The following THEMIS variants were observed in gnomAD, a reference collection of about 807,000 sequenced individuals.
The protein encoded by THEMIS is thymocyte selection associated, also known as protein THEMIS.
Under a neutral mutation model 52.6 loss-of-function variants are expected in THEMIS, and 37 were observed. That is an observed-to-expected ratio of 0.70 (90% CI 0.54 to 0.93). THEMIS has a LOEUF of 0.93. Among genes scored for constraint, THEMIS ranks in the 40% least tolerant of loss-of-function variants. The pLI is 0.00. For missense variants in THEMIS, 808 were observed against 763.1 expected (o/e 1.06, Z -0.69); for synonymous variants, 292 against 272.7 (o/e 1.07, Z -0.70).
At chr6:127,754,057 T>TATTTTAC (rs1775737571) in intron 4 of THEMIS, among the ~76,000 whole-genome samples, 1 of 152,190 alleles carries the variant, frequency 6.6e-6, no homozygotes, top group South Asian at 2.1e-4. Flanking sequence ...ATACATTGAA[T>TATTTTAC]ATGTGCAGAT....
At position 127,882,681 on chromosome 6, in the gene THEMIS, A is replaced by T. The variant is rs562275947; in HGVS notation, c.91+18161T>A. Among the ~76,000 whole-genome samples, 31 of 152,012 alleles carry T rather than the reference A, an allele frequency of 2.0e-4. 1 individual carries two copies. In the East Asian group the frequency reaches 4.8e-3, roughly 24 times the overall value. On this transcript the variant is annotated intron_variant, in intron 1 of 5. Coordinates refer to ENST00000368248, the MANE Select transcript of THEMIS (RefSeq NM_001010923.3). ...CCATATTTCATTAGACTTTAATTTC[A>T]TTCCACTTGAGTCTAATGAAAAAAT...
At chr6:127,777,504 A>T (rs1449216095) in intron 4 of THEMIS, among the ~76,000 whole-genome samples, 2 of 152,190 alleles carry the variant, frequency 1.3e-5, no homozygotes, top group Admixed American at 6.5e-5. Context: ...AAGATTTGTC[A>T]TATCACTACA....
At chr6:127,730,489 AAAG>A (rs1774753302) in intron 4 of THEMIS, among the ~76,000 whole-genome samples, 2 of 151,046 alleles carry the variant, frequency 1.3e-5, no homozygotes, top group African/African-American at 4.9e-5. Flanking sequence ...AAGAAGAAAG[AAAG>A]AAAGAAATGA....
intron 4 of THEMIS, among the ~76,000 whole-genome samples, chr6:127,771,819 A>G (rs1054740274): frequency 2.6e-4 from 39 of 152,134 alleles, no homozygotes; most frequent in African/African-American, 9.2e-4. Context: ...TTATTATATG[A>G]ATAGCCCTTA....
chr6:127,786,793 A>C (rs1776964151), intron 4 of THEMIS, among the ~76,000 whole-genome samples: 1 of 152,208 alleles, frequency 6.6e-6, no homozygotes, highest in African/African-American at 2.4e-5. Context: ...ACGAAAAAGA[A>C]ATCTTTTTTT....
downstream of THEMIS, among the ~76,000 whole-genome samples, chr6:127,707,280 C>T (rs1000403222): frequency 6.6e-6 from 1 of 152,046 alleles, no homozygotes; most frequent in Admixed American, 6.6e-5. Context: ...ATGGGAAGGT[C>T]AGCATGACTT....
At position 127,813,339 on chromosome 6, in the gene THEMIS, A is replaced by G. The variant is rs935909157; in HGVS notation, c.1302T>C (p.Phe434=). The G allele has an allele frequency of 2.5e-6, 4 of 1,614,008 alleles. No individual in the cohort carries two copies. The African/African-American group carries it at 5.3e-5, about 22-fold the overall frequency. The part of the protein sequence containing the change: ...ALLPLYMEGG[F]VEVIHDKKQY... ...GTTTCTTATCATGAATCACCTCTAC[A>G]AAACCTCCTTCCATGTACAAAGGGA... is the stretch of plus-strand genomic sequence containing the variant. Residue 434 remains phenylalanine, a synonymous_variant, in exon 4 of 6, where the codon TTT becomes TTC. Coordinates refer to ENST00000368248, the MANE Select transcript of THEMIS (RefSeq NM_001010923.3).
intron 1 of THEMIS, among the ~76,000 whole-genome samples, chr6:127,893,662 G>C (rs1780877853): frequency 6.6e-6 from 1 of 152,090 alleles, no homozygotes; most frequent in Non-Finnish European, 1.5e-5. Context: ...CACTGTGGTT[G>C]TCAACGGCGA....
intron 4 of THEMIS, among the ~76,000 whole-genome samples, chr6:127,734,896 A>AAT (rs1295073194): frequency 0.077 from 4,989 of 65,000 alleles, 257 homozygotes; most frequent in Middle Eastern, 0.14. Flanking sequence ...AAAAAAAAAA[A>AAT]ATATATATAT....
chr6:127,866,692 T>C (rs1270875530), intron 1 of THEMIS, among the ~76,000 whole-genome samples: 1 of 151,936 alleles, frequency 6.6e-6, no homozygotes, highest in Non-Finnish European at 1.5e-5. Context: ...ATCACTCTTA[T>C]TGAACAATTT....
chr6:127,802,443 A>G (rs1278310679), intron 4 of THEMIS, among the ~76,000 whole-genome samples: 1 of 152,242 alleles, frequency 6.6e-6, no homozygotes, highest in Non-Finnish European at 1.5e-5. Flanking sequence ...TGAACATCAA[A>G]GCAAAGGTGG....
chr6:127,841,428 G>A (rs965142187), intron 2 of THEMIS, among the ~76,000 whole-genome samples: 4 of 152,076 alleles, frequency 2.6e-5, no homozygotes, highest in East Asian at 1.9e-4. Flanking sequence ...GAATTGTGCC[G>A]GTAAGAAAGA....
At chr6:127,882,202 TTCTGTTTTTCATTTTC>T (rs1780507383) in intron 1 of THEMIS, among the ~76,000 whole-genome samples, 1 of 151,808 alleles carries the variant, frequency 6.6e-6, no homozygotes, top group Admixed American at 6.6e-5. Flanking sequence ...AATACAGCCA[TTCTGTTTTTCATTTTC>T]AGTACAGTAT....
In THEMIS at chr6:127,829,577, G is replaced by A; in HGVS notation, c.608C>T (p.Thr203Ile). 3 of 1,614,054 alleles carry A rather than the reference G, an allele frequency of 1.9e-6. No homozygotes were observed. Among genetic ancestry groups the A allele is most frequent in the Non-Finnish European group, 2.5e-6 (3 of 1,179,984 alleles). The change falls in exon 3 of 6, where the codon ACA (threonine) becomes ATA (isoleucine). Residue 203 changes from threonine (T) to isoleucine (I), a missense_variant. Thr to Ile is a moderately conservative substitution (Grantham distance 89, BLOSUM62 -1). Coordinates refer to ENST00000368248, the MANE Select transcript of THEMIS (RefSeq NM_001010923.3). ...TGAGTCCCACTTATTTGAAAAATCT[G>A]TAAGGTTTACAGTTCTTGTTCTGTT... ...PKNRTRTVNL[T>I]DFSNKWDSTN...
chr6:127,770,127 GGTATAT>G (rs1477242125), intron 4 of THEMIS, among the ~76,000 whole-genome samples: 2 of 152,084 alleles, frequency 1.3e-5, no homozygotes, highest in Non-Finnish European at 2.9e-5. Flanking sequence ...TAATCCTTTG[GGTATAT>G]ACCCAGTAAT....
chr6:127,852,972 A>G (rs1414722034), intron 2 of THEMIS, among the ~76,000 whole-genome samples: 2 of 151,540 alleles, frequency 1.3e-5, no homozygotes, highest in Non-Finnish European at 3.0e-5. Flanking sequence ...CTAAATAGCA[A>G]CTCCCCAAAT....
At chr6:127,743,698 G>A (rs1453865474) in intron 4 of THEMIS, among the ~76,000 whole-genome samples, 1 of 152,056 alleles carries the variant, frequency 6.6e-6, no homozygotes, top group African/African-American at 2.4e-5. Context: ...TGATGAAAAG[G>A]ATGATGATTA....
chr6:127,813,204 C>G lies in THEMIS; in HGVS notation c.1437G>C (p.Leu479=), dbSNP rs761511766. The G allele has an allele frequency of 3.1e-6, 5 of 1,614,076 alleles. No homozygotes were observed. In the East Asian group the frequency reaches 1.1e-4, roughly 36 times the overall value. Residue 479 remains leucine (L), a synonymous_variant, in exon 4 of 6, where the codon CTG becomes CTC. Transcript: ENST00000368248. ...AGTCTGTAATGTCCTCCTCCAACTG[C>G]AGTCCTGGTGTGGCAGCCAACACGT... ...EEDVLAATPG[L]QLEEDITDSY...
chr6:127,742,118 C>G (rs1037997941), intron 4 of THEMIS, among the ~76,000 whole-genome samples: 3 of 151,920 alleles, frequency 2.0e-5, no homozygotes, highest in African/African-American at 7.3e-5. Context: ...TTGAGGACAG[C>G]CTGGCCAACA....
Sources: allele counts gnomAD v4.1 joint callset (sites outside exome capture counted in the v4.1 genomes callset), GRCh38; gene constraint gnomAD v4.1.1; transcripts MANE v1.5; gene names NCBI Gene and HGNC (gene_info 2026-07-23, HGNC 2026-07-21).